The following CLIP1 variants were observed in gnomAD, a reference collection of about 807,000 sequenced individuals.
CLIP1 encodes the protein CAP-Gly domain containing linker protein 1.
Under a neutral mutation model 161.6 loss-of-function variants are expected in CLIP1, and 66 were observed. That is an observed-to-expected ratio of 0.41 (90% confidence interval 0.33 to 0.50). The LOEUF is 0.50. Among genes scored for constraint, CLIP1 ranks in the 20% least tolerant of loss-of-function variants. CLIP1 has a pLI of 0.27. For synonymous variants in CLIP1, 598 were observed against 626.2 expected (o/e 0.96, Z 0.67); for missense variants, 1,376 against 1,702.0 (o/e 0.81, Z 3.37).
At chr12:122,357,672 G>A (rs550332910) in intron 5 of CLIP1, among the ~76,000 whole-genome samples, 3,694 of 137,392 alleles carry the variant, frequency 0.027, 91 homozygotes, top group Middle Eastern at 0.057. Flanking sequence ...CAGCCGCCCC[G>A]TCCGGGAGGG....
At chr12:122,281,589 G>A (rs1274010003) in intron 21 of CLIP1, among the ~76,000 whole-genome samples, 1 of 151,910 alleles carries the variant, frequency 6.6e-6, no homozygotes, top group African/African-American at 2.4e-5. Flanking sequence ...CCAGCTACTA[G>A]GGAAGCTGAG....
At chr12:122,348,322 A>G (rs144102571) in intron 9 of CLIP1, among the ~76,000 whole-genome samples, 2 of 152,242 alleles carry the variant, frequency 1.3e-5, no homozygotes, top group Admixed American at 1.3e-4. Context: ...AAGGAGTCCA[A>G]TTGAGAGGCT....
intron 3 of CLIP1, among the ~76,000 whole-genome samples, chr12:122,369,716 T>C (rs1361523681): frequency 2.6e-5 from 4 of 151,702 alleles, no homozygotes; most frequent in African/African-American, 9.7e-5. Flanking sequence ...GACACTGCCA[T>C]AGAAGGTGTC....
intron 21 of CLIP1, among the ~76,000 whole-genome samples, chr12:122,284,448 G>T (rs1955770948): frequency 6.6e-6 from 1 of 152,054 alleles, no homozygotes; most frequent in Admixed American, 6.5e-5. Flanking sequence ...TGCATCCCGG[G>T]TTGAAGCGAT....
chr12:122,412,239 G>A (rs1389542438), intron 1 of CLIP1, among the ~76,000 whole-genome samples: 3 of 150,572 alleles, frequency 2.0e-5, no homozygotes, highest in African/African-American at 7.3e-5. Context: ...GCTAACTTTT[G>A]TTTTTGTAGA....
intron 20 of CLIP1, among the ~76,000 whole-genome samples, chr12:122,300,583 T>C (rs1950642635): frequency 6.6e-6 from 1 of 152,206 alleles, no homozygotes; most frequent in South Asian, 2.1e-4. Flanking sequence ...TTTTTTTGTT[T>C]TGAGACGGTC....
intron 1 of CLIP1, among the ~76,000 whole-genome samples, chr12:122,403,499 GTTT>G (rs11302150): frequency 1.4e-5 from 1 of 72,304 alleles, no homozygotes; most frequent in African/African-American, 4.5e-5. Context: ...TTCTTGTTTT[GTTT>G]TTTTTTTTTT....
chr12:122,377,501 G>A lies in CLIP1; in HGVS notation c.545C>T (p.Thr182Met), dbSNP rs199567350. Residue 182 changes from threonine (T) to methionine (M), a missense_variant, in exon 3 of 26, where the codon ACG becomes ATG. Transcript: ENST00000620786. ...TTTTGTAAGGTTGCTGATCGGAGGC[G>A]TAGCTGAAGGTTCCTTTGCTGCTGG... ...SQPAAKEPSA[T>M]PPISNLTKTA... is the part of the protein sequence containing the mutation. 2.7e-5 allele frequency: 44 copies of A among 1,614,104 alleles called. No individual in the cohort carries two copies. In the East Asian group the frequency reaches 6.5e-4, roughly 24 times the overall value.
At chr12:122,328,865 G>T (rs1004174014) in intron 15 of CLIP1, among the ~76,000 whole-genome samples, 5 of 152,166 alleles carry the variant, frequency 3.3e-5, no homozygotes, top group Non-Finnish European at 5.9e-5. Flanking sequence ...ACAGGCGTGA[G>T]CCACCATGCC....
At position 122,311,526 on chromosome 12, in the gene CLIP1, G is replaced by A. The variant is rs1471995481; in HGVS notation, c.3474-1644C>T. ...TGCAAGCTCCACCTCCCAGGTTCAC[G>A]CCATTCTCCTGCCTCAGCCTCCTGA... On this transcript the variant is annotated intron_variant, in intron 19 of 25. Transcript: ENST00000620786. The surrounding 1 kb of genome is among the most constrained non-coding windows in gnomAD (Gnocchi z 4.3). Among the ~76,000 whole-genome samples, 2 of 151,808 alleles carry A rather than the reference G, an allele frequency of 1.3e-5. No individual in the cohort carries two copies. Among genetic ancestry groups the A allele is most frequent in the Admixed American group, 6.6e-5 (1 of 15,232 alleles).
intron 15 of CLIP1, among the ~76,000 whole-genome samples, chr12:122,330,375 G>A (rs557117261): frequency 7.2e-4 from 109 of 152,256 alleles, no homozygotes; most frequent in African/African-American, 9.6e-4. Flanking sequence ...GGGGGTGAAA[G>A]GCTGGATGTC....
chr12:122,325,903 T>C (rs562123634), intron 17 of CLIP1, among the ~76,000 whole-genome samples: 104 of 152,134 alleles, frequency 6.8e-4, no homozygotes, highest in Non-Finnish European at 1.1e-3. Flanking sequence ...TCTGCCCACC[T>C]TGGCCTCCCA....
intron 20 of CLIP1, among the ~76,000 whole-genome samples, chr12:122,304,898 C>T (rs1324628739): frequency 6.6e-6 from 1 of 152,188 alleles, no homozygotes; most frequent in Non-Finnish European, 1.5e-5. Flanking sequence ...CTAAAAATAG[C>T]TTTCCCTTTC....
chr12:122,357,593 C>T (rs1455534453), intron 5 of CLIP1, among the ~76,000 whole-genome samples: 9 of 139,360 alleles, frequency 6.5e-5, no homozygotes, highest in African/African-American at 1.6e-4. Context: ...CCAGCCGCCC[C>T]GTCCGGAAGG....
At chr12:122,302,534 C>T (rs980662809) in intron 20 of CLIP1, among the ~76,000 whole-genome samples, 2 of 152,028 alleles carry the variant, frequency 1.3e-5, no homozygotes, top group African/African-American at 2.4e-5. Context: ...TTTCTTTTTG[C>T]GGATTCAGTT....
At chr12:122,310,025 C>G in intron 19 of CLIP1, 143 bp from the exon 20 acceptor site, 1 of 888,056 alleles carries the variant, frequency 1.1e-6, no homozygotes, top group Non-Finnish European at 1.7e-6. Context: ...ACAGTATTAT[C>G]TACATGCAGA....
intron 20 of CLIP1, among the ~76,000 whole-genome samples, chr12:122,308,612 T>C (rs1950960677): frequency 6.6e-6 from 1 of 152,194 alleles, no homozygotes; most frequent in Non-Finnish European, 1.5e-5. Context: ...CTATCATCTT[T>C]GTGCTTCCGT....
At chr12:122,327,798 T>C (rs1951763705) in intron 17 of CLIP1, 149 bp downstream of exon 17, 7 of 643,854 alleles carry the variant, frequency 1.1e-5, no homozygotes, top group African/African-American at 3.6e-5. Context: ...GGAAATGTAA[T>C]GTACCACCCT....
chr12:122,352,614 GC>G (rs1320808508), intron 8 of CLIP1, 111 bp downstream of exon 8: 1 of 982,766 alleles, frequency 1.0e-6, no homozygotes, highest in Non-Finnish European at 1.6e-6. Context: ...ACCTTCCCCC[GC>G]CACTTCCTCA....
Sources: allele counts gnomAD v4.1 joint callset (sites outside exome capture counted in the v4.1 genomes callset), GRCh38; gene constraint gnomAD v4.1.1; non-coding constraint Gnocchi (gnomAD v3.1); transcripts MANE v1.5; gene names NCBI Gene and HGNC (gene_info 2026-07-23, HGNC 2026-07-21).